NIPBL: variants seen among roughly 807,000 people sequenced by gnomAD.
The protein encoded by NIPBL is nipped-B-like protein.
Under a neutral mutation model 321.8 loss-of-function variants are expected in NIPBL, and 19 were observed. The ratio of observed to expected loss-of-function variants is 0.06; its 90% confidence interval spans 0.04 to 0.09. NIPBL has a LOEUF of 0.09. Ranked by LOEUF, NIPBL falls within the 10% of genes least tolerant of loss-of-function variation. The probability of loss-of-function intolerance (pLI) is 1.00; values close to 1 mark genes in which losing one functional copy is unlikely to be tolerated. For missense variants in NIPBL, 2,210 were observed against 3,327.0 expected (o/e 0.66, Z 8.26); for synonymous variants, 1,106 against 1,114.1 (o/e 0.99, Z 0.14).
chr5:37,012,047 AT>A (rs769881358), intron 21 of NIPBL, among the ~76,000 whole-genome samples: 6 of 151,378 alleles, frequency 4.0e-5, no homozygotes, highest in Non-Finnish European at 7.4e-5. Context: ...TTTCCTGGTT[AT>A]TAGTGAGCTT....
In NIPBL at chr5:37,013,676, T is replaced by G. The variant is rs1259286825; in HGVS notation, c.4561-1007T>G. 2.6e-5 allele frequency among the ~76,000 whole-genome samples: 4 copies of G among 151,238 alleles called. No homozygotes were observed. The East Asian group carries it at 7.8e-4, about 30-fold the overall frequency. On this transcript the variant is annotated intron_variant, in intron 21 of 46. Transcript: ENST00000282516. ...GTGGCCGGGAAGAGGCGCTCCTCAC[T>G]TCCTAGATGGGATGGCGGCCGGGCA...
intron 1 of NIPBL, chr5:36,886,052 A>G (rs562785637): frequency 1.4e-6 from 1 of 709,560 alleles, no homozygotes; most frequent in Non-Finnish European, 2.6e-6. Flanking sequence ...AGTGGTCACC[A>G]CTCAGTCCGC....
intron 6 of NIPBL, among the ~76,000 whole-genome samples, chr5:36,967,715 T>TG (rs1742362439): frequency 6.6e-6 from 1 of 152,286 alleles, no homozygotes; most frequent in African/African-American, 2.4e-5. Flanking sequence ...TCCATACAGA[T>TG]GGGGTCTTGC....
chr5:36,885,580 G>T, intron 1 of NIPBL: 1 of 532,510 alleles, frequency 1.9e-6, no homozygotes, highest in Non-Finnish European at 3.7e-6. Flanking sequence ...TCAGAGACTG[G>T]GGCCATTACT....
intron 1 of NIPBL, among the ~76,000 whole-genome samples, chr5:36,887,393 A>C (rs1467485010): frequency 2.0e-5 from 3 of 152,208 alleles, no homozygotes; most frequent in Non-Finnish European, 2.9e-5. Flanking sequence ...GATTATAGTG[A>C]ATAACAGTCA....
intron 19 of NIPBL, among the ~76,000 whole-genome samples, 194 bp downstream of exon 19, chr5:37,008,282 G>A (rs1177839714): frequency 6.6e-6 from 1 of 151,912 alleles, no homozygotes; most frequent in Non-Finnish European, 1.5e-5. Flanking sequence ...AATTTGTTGG[G>A]TTATTCTGTT....
At chr5:36,891,065 A>G (rs545148258) in intron 1 of NIPBL, among the ~76,000 whole-genome samples, 1 of 152,258 alleles carries the variant, frequency 6.6e-6, no homozygotes, top group South Asian at 2.1e-4. Context: ...GGAGATGGAG[A>G]CCATCCTAGC....
At chr5:37,029,740 T>C (rs1388240826) in intron 32 of NIPBL, among the ~76,000 whole-genome samples, 2 of 152,244 alleles carry the variant, frequency 1.3e-5, no homozygotes, top group Admixed American at 1.3e-4. Flanking sequence ...TTTAAAACTT[T>C]AGCCATTTTG....
At chr5:36,925,651 ATAACT>A (rs1484045114) in intron 1 of NIPBL, among the ~76,000 whole-genome samples, 1 of 152,190 alleles carries the variant, frequency 6.6e-6, no homozygotes, top group African/African-American at 2.4e-5. Flanking sequence ...GACTAAGTAA[ATAACT>A]TAAAGTCTTT....
At chr5:37,060,744 A>T (rs1238138717) in intron 44 of NIPBL, 100 bp from the exon 45 acceptor site, 1 of 1,008,416 alleles carries the variant, frequency 9.9e-7, no homozygotes, top group African/African-American at 1.6e-5. Context: ...GACATGAGAA[A>T]CTAATTTCAT....
At chr5:36,920,751 G>T (rs891426339) in intron 1 of NIPBL, among the ~76,000 whole-genome samples, 1 of 151,884 alleles carries the variant, frequency 6.6e-6, no homozygotes, top group Non-Finnish European at 1.5e-5. Context: ...TCAGTAGCTT[G>T]ACCACCTTAT....
rs766801991 is a variant in NIPBL at position 37,014,711 on chromosome 5, C to T, written c.4589C>T (p.Ser1530Phe). 2 of 1,609,258 alleles carry T rather than the reference C, an allele frequency of 1.2e-6. No homozygotes were observed. The highest frequency in any genetic ancestry group is 2.7e-5 in the African/African-American group (2 of 74,804). Residue 1530 changes from serine (S) to phenylalanine (F), a missense_variant, in exon 22 of 47, where the codon TCT becomes TTT. Coordinates refer to ENST00000282516, the MANE Select transcript of NIPBL (RefSeq NM_133433.4). Reference protein sequence around the residue: ...KIDQDVVITNSYETAMRTAQN... With the variant: ...KIDQDVVITNFYETAMRTAQN... The stretch of plus-strand genomic sequence containing the variant: ...GACCAGGATGTTGTCATTACTAACT[C>T]TTATGAAACAGCTATGCGAACAGCC...
chr5:36,930,568 C>T (rs1030234587), intron 1 of NIPBL, among the ~76,000 whole-genome samples: 2 of 151,828 alleles, frequency 1.3e-5, no homozygotes, highest in African/African-American at 4.8e-5. Context: ...AAATGTGTTA[C>T]TTTTTGGTGT....
At chr5:36,978,440 G>T (rs1376741111) in intron 9 of NIPBL, among the ~76,000 whole-genome samples, 1 of 151,632 alleles carries the variant, frequency 6.6e-6, no homozygotes. Context: ...TTTTTAGTGG[G>T]TTGTTTTTTT....
chr5:36,968,396 G>A (rs1443136050), intron 6 of NIPBL, among the ~76,000 whole-genome samples: 2 of 151,962 alleles, frequency 1.3e-5, no homozygotes, highest in Non-Finnish European at 1.5e-5. Context: ...AGTGAAACCC[G>A]TGTGTACTAA....
intron 1 of NIPBL, among the ~76,000 whole-genome samples, chr5:36,928,371 C>A (rs143710045): frequency 3.2e-4 from 49 of 152,184 alleles, no homozygotes; most frequent in African/African-American, 1.1e-3. Flanking sequence ...ATTAATACAA[C>A]CAAATCACAG....
At chr5:37,052,950 T>A (rs1395976754) in intron 42 of NIPBL, among the ~76,000 whole-genome samples, 2 of 152,210 alleles carry the variant, frequency 1.3e-5, no homozygotes, top group South Asian at 2.1e-4. Flanking sequence ...TTCAACTTGA[T>A]TTCCCTTAAT....
intron 38 of NIPBL, 75 bp downstream of exon 38, chr5:37,046,274 A>G (rs760294139): frequency 1.2e-6 from 1 of 860,100 alleles, no homozygotes; most frequent in Non-Finnish European, 2.0e-6. Context: ...GTGAATCTAA[A>G]TTGTTGATTT....
intron 17 of NIPBL, among the ~76,000 whole-genome samples, chr5:37,007,002 G>A (rs796253809): frequency 1.2e-4 from 18 of 151,910 alleles, no homozygotes; most frequent in African/African-American, 4.3e-4. Flanking sequence ...TGAACTTGAC[G>A]ATCTATTGTA....
Sources: allele counts gnomAD v4.1 joint callset (sites outside exome capture counted in the v4.1 genomes callset), GRCh38; gene constraint gnomAD v4.1.1; transcripts MANE v1.5; gene names NCBI Gene and HGNC (gene_info 2026-07-23, HGNC 2026-07-21).